Variants in KCNC2 observed in about 807,000 individuals in gnomAD.
The protein encoded by KCNC2 is potassium voltage-gated channel subfamily C member 2, also known as voltage-gated potassium channel KCNC2.
KCNC2 carries 21 observed loss-of-function variants against 44.5 expected under a neutral mutation model. The observed-to-expected ratio is 0.47, with a 90% CI of 0.33 to 0.68. KCNC2 has a LOEUF of 0.68. Ranked by LOEUF, KCNC2 falls within the 30% of genes least tolerant of loss-of-function variation. KCNC2 has a pLI of 0.01. For synonymous variants in KCNC2, 391 were observed against 339.1 expected, an observed-to-expected ratio of 1.15 and a Z score of -1.68; for missense variants, 589 against 826.2, an observed-to-expected ratio of 0.71 and a Z score of 3.52.
intron 2 of KCNC2, among the ~76,000 whole-genome samples, chr12:75,122,296 C>T (rs567726126): frequency 1.4e-4 from 21 of 152,358 alleles, no homozygotes; most frequent in African/African-American, 5.0e-4. Flanking sequence ...TCACAACTGT[C>T]TTATGAGTAG....
At chr12:75,156,794 G>C (rs970186844) in intron 2 of KCNC2, among the ~76,000 whole-genome samples, 2 of 151,586 alleles carry the variant, frequency 1.3e-5, no homozygotes, top group African/African-American at 4.8e-5. Flanking sequence ...TATGTTTTGG[G>C]CTCCAAAAAT....
intron 2 of KCNC2, among the ~76,000 whole-genome samples, chr12:75,119,907 T>C (rs1234285947): frequency 6.6e-6 from 1 of 152,210 alleles, no homozygotes; most frequent in Non-Finnish European, 1.5e-5. Flanking sequence ...TGAATAAAGA[T>C]ATCTGATTAT....
At chr12:75,141,623 C>G (rs893860788) in intron 2 of KCNC2, among the ~76,000 whole-genome samples, 16 of 152,094 alleles carry the variant, frequency 1.1e-4, no homozygotes, top group African/African-American at 3.6e-4. Flanking sequence ...ATTCATTTAT[C>G]AAAATCATTC....
intron 3 of KCNC2, among the ~76,000 whole-genome samples, chr12:75,049,641 A>G (rs1453851804): frequency 6.6e-6 from 1 of 152,078 alleles, no homozygotes; most frequent in African/African-American, 2.4e-5. Flanking sequence ...GAGAGAGCAG[A>G]ACCCAACACA....
chr12:75,060,195 G>T (rs189620422), intron 2 of KCNC2, among the ~76,000 whole-genome samples: 165 of 151,966 alleles, frequency 1.1e-3, no homozygotes, highest in African/African-American at 3.4e-3. Flanking sequence ...AAACAACTTG[G>T]TACCAAGAAT....
At chr12:75,193,936 G>A (rs769624881) in intron 2 of KCNC2, among the ~76,000 whole-genome samples, 2 of 152,050 alleles carry the variant, frequency 1.3e-5, no homozygotes, top group Admixed American at 6.6e-5. Context: ...AGAGGGACTA[G>A]AGTTAATGCC....
chr12:75,115,848 A>G (rs940291347), intron 2 of KCNC2, among the ~76,000 whole-genome samples: 2 of 152,144 alleles, frequency 1.3e-5, no homozygotes, highest in Admixed American at 1.3e-4. Flanking sequence ...CCCCAAAATA[A>G]TGAATATAAT....
chr12:75,126,954 A>C (rs1401688264), intron 2 of KCNC2, among the ~76,000 whole-genome samples: 1 of 152,130 alleles, frequency 6.6e-6, no homozygotes, highest in African/African-American at 2.4e-5. Context: ...ACTTACGTAT[A>C]ATAATCGAAA....
At chr12:75,145,309 T>C (rs565000207) in intron 2 of KCNC2, among the ~76,000 whole-genome samples, 180 of 152,308 alleles carry the variant, frequency 1.2e-3, no homozygotes, top group South Asian at 5.8e-3. Flanking sequence ...CACAGCATTT[T>C]AAACAATCCC....
chr12:75,121,629 T>C (rs1305723450), intron 2 of KCNC2, among the ~76,000 whole-genome samples: 1 of 152,198 alleles, frequency 6.6e-6, no homozygotes, highest in Non-Finnish European at 1.5e-5. Context: ...ATTAGTTGGG[T>C]TAATATTCAG....
In KCNC2 at chr12:75,171,391, T is replaced by C. The variant is rs895519748; in HGVS notation, c.687+35906A>G. Among the ~76,000 whole-genome samples the C allele has an allele frequency of 2.9e-4, 44 of 151,942 alleles. 1 individual carries two copies. The highest frequency in any genetic ancestry group is 9.6e-4 in the African/African-American group (40 of 41,520). On this transcript the variant is annotated intron_variant, in intron 2 of 4. Transcript: ENST00000549446. The stretch of plus-strand genomic sequence containing the variant: ...TGTGTACACTAGGATTGGGAAACCT[T>C]GAGGCTATCTTAGAAATCTGCCTAC...
intron 1 of KCNC2, among the ~76,000 whole-genome samples, chr12:75,208,349 C>T (rs2031878269): frequency 6.6e-6 from 1 of 152,012 alleles, no homozygotes. Flanking sequence ...CAAGTCCAAC[C>T]TGCTCCCAGC....
chr12:75,147,503 G>T (rs992336382), intron 2 of KCNC2, among the ~76,000 whole-genome samples: 2 of 152,136 alleles, frequency 1.3e-5, no homozygotes, highest in Non-Finnish European at 2.9e-5. Context: ...TCCAAGAAGT[G>T]ATAGGTTTTA....
intron 2 of KCNC2, among the ~76,000 whole-genome samples, chr12:75,094,567 A>G (rs1270009582): frequency 6.6e-6 from 1 of 151,682 alleles, no homozygotes; most frequent in Non-Finnish European, 1.5e-5. Flanking sequence ...CTTTAAATTA[A>G]TTTTTAAATA....
intron 2 of KCNC2, among the ~76,000 whole-genome samples, chr12:75,115,630 T>C (rs1354336338): frequency 6.6e-6 from 1 of 152,226 alleles, no homozygotes; most frequent in Non-Finnish European, 1.5e-5. Context: ...GCTAGCATGT[T>C]AGAATACTTT....
chr12:75,072,972 C>T (rs35071597), intron 2 of KCNC2, among the ~76,000 whole-genome samples: 1 of 151,956 alleles, frequency 6.6e-6, no homozygotes, highest in Non-Finnish European at 1.5e-5. Context: ...AGGAATACAT[C>T]CCTTATTATG....
chr12:75,186,792 G>A (rs929130201), intron 2 of KCNC2, among the ~76,000 whole-genome samples: 23 of 152,218 alleles, frequency 1.5e-4, no homozygotes, highest in African/African-American at 5.5e-4. Flanking sequence ...AGCACATTAG[G>A]ATGTCAAGTA....
At chr12:75,094,173 T>C (rs1206216385) in intron 2 of KCNC2, among the ~76,000 whole-genome samples, 1 of 151,704 alleles carries the variant, frequency 6.6e-6, no homozygotes, top group Non-Finnish European at 1.5e-5. Context: ...AATATGATTC[T>C]CTTTTAAAGT....
intron 2 of KCNC2, among the ~76,000 whole-genome samples, chr12:75,128,881 T>A (rs1888631988): frequency 6.6e-6 from 1 of 152,344 alleles, no homozygotes; most frequent in Non-Finnish European, 1.5e-5. Context: ...GCTAATCAGA[T>A]GCAATGGCTT....
Sources: allele counts gnomAD v4.1 joint callset (sites outside exome capture counted in the v4.1 genomes callset), GRCh38; gene constraint gnomAD v4.1.1; transcripts MANE v1.5; gene names NCBI Gene and HGNC (gene_info 2026-07-23, HGNC 2026-07-21).